Variants in SOX6 observed in about 807,000 individuals in gnomAD.
SOX6 encodes SRY-box transcription factor 6, also known as transcription factor SOX-6.
Under a neutral mutation model 97.8 loss-of-function variants are expected in SOX6, and 11 were observed. The ratio of observed to expected loss-of-function variants is 0.11; its 90% CI spans 0.07 to 0.19. The LOEUF (loss-of-function observed/expected upper bound fraction) is 0.19, where lower values mean the gene tolerates loss of function less well. SOX6 is among the 10% of genes least tolerant of loss of function. SOX6 has a pLI of 1.00. For missense variants in SOX6, 810 were observed against 1,039.5 expected (o/e 0.78, Z 3.04); for synonymous variants, 360 against 371.4 (o/e 0.97, Z 0.35).
chr11:16,020,196 C>T (rs1005886620), intron 12 of SOX6, among the ~76,000 whole-genome samples: 18 of 152,106 alleles, frequency 1.2e-4, no homozygotes, highest in Admixed American at 9.8e-4. Context: ...CCTTCTCTGT[C>T]CAGGCGATGA....
upstream of SOX6, among the ~76,000 whole-genome samples, chr11:16,359,066 A>G (rs2134372451): frequency 6.6e-6 from 1 of 150,524 alleles, no homozygotes; most frequent in Non-Finnish European, 1.5e-5. Flanking sequence ...AAGTGATAGG[A>G]TAAGAAACCA....
chr11:16,191,060 C>G (rs896012682), intron 4 of SOX6, among the ~76,000 whole-genome samples: 17 of 152,074 alleles, frequency 1.1e-4, no homozygotes, highest in Non-Finnish European at 1.6e-4. Flanking sequence ...GCTGAAAGAA[C>G]AGATAATGAT....
intron 2 of SOX6, among the ~76,000 whole-genome samples, chr11:16,336,467 C>T (rs543672517): frequency 5.3e-5 from 8 of 152,214 alleles, no homozygotes; most frequent in Admixed American, 2.6e-4. Flanking sequence ...TCTCTGAGAA[C>T]TCTTCAATGA....
chr11:16,660,663 A>G (rs952249409), intron 3 of SOX6, among the ~76,000 whole-genome samples: 12 of 152,196 alleles, frequency 7.9e-5, no homozygotes, highest in African/African-American at 2.9e-4. Flanking sequence ...TGATGGTACT[A>G]GAGGTGGGGC....
At chr11:16,325,864 G>A (rs1856072033) in intron 2 of SOX6, among the ~76,000 whole-genome samples, 1 of 152,032 alleles carries the variant, frequency 6.6e-6, no homozygotes, top group South Asian at 2.1e-4. Context: ...AAGTGCTGAA[G>A]GCAAATAGTT....
chr11:16,597,330 A>G (rs200850038), intron 4 of SOX6, among the ~76,000 whole-genome samples: 32 of 150,558 alleles, frequency 2.1e-4, no homozygotes, highest in East Asian at 1.2e-3. Context: ...ATGTATGTAT[A>G]TGTGTGTGTG....
chr11:16,012,565 G>A (rs568850108), intron 13 of SOX6, among the ~76,000 whole-genome samples: 1 of 152,100 alleles, frequency 6.6e-6, no homozygotes, highest in Non-Finnish European at 1.5e-5. Context: ...AGTAACATGA[G>A]AGCTGGTGTA....
intron 1 of SOX6, among the ~76,000 whole-genome samples, chr11:16,438,378 A>G (rs1268665889): frequency 6.6e-6 from 1 of 152,122 alleles, no homozygotes; most frequent in Non-Finnish European, 1.5e-5. Context: ...GGCGATATTT[A>G]CCTCTTTTCA....
intron 1 of SOX6, among the ~76,000 whole-genome samples, chr11:16,454,811 A>G (rs1265246011): frequency 6.6e-6 from 1 of 152,070 alleles, no homozygotes. Context: ...AGGAAGACAC[A>G]CCTACAAATT....
chr11:16,367,337 G>T (rs1300813353), intron 1 of SOX6, among the ~76,000 whole-genome samples: 2 of 152,146 alleles, frequency 1.3e-5, no homozygotes, highest in African/African-American at 4.8e-5. Context: ...GCAGAGGAAA[G>T]AACAATGTTC....
chr11:16,630,085 C>G (rs1189784226), intron 3 of SOX6, among the ~76,000 whole-genome samples: 2 of 151,930 alleles, frequency 1.3e-5, no homozygotes, highest in Non-Finnish European at 1.5e-5. Context: ...GTCTCAATTT[C>G]ATTCAGTTTC....
At chr11:16,377,198 A>T (rs1331838547) in intron 1 of SOX6, among the ~76,000 whole-genome samples, 2 of 152,108 alleles carry the variant, frequency 1.3e-5, no homozygotes, top group African/African-American at 4.8e-5. Context: ...AAGGAAAAAG[A>T]GGAAGACTGA....
intron 4 of SOX6, among the ~76,000 whole-genome samples, chr11:16,602,176 A>T (rs1206781439): frequency 6.6e-6 from 1 of 152,206 alleles, no homozygotes; most frequent in African/African-American, 2.4e-5. Context: ...CAAAACATCA[A>T]ATAAAAGCAA....
At chr11:15,993,662 TG>T (rs1854127818) in intron 13 of SOX6, among the ~76,000 whole-genome samples, 1 of 152,200 alleles carries the variant, frequency 6.6e-6, no homozygotes, top group Non-Finnish European at 1.5e-5. Flanking sequence ...AGGCTCAAAT[TG>T]GTTAATTCAT....
intron 9 of SOX6, among the ~76,000 whole-genome samples, chr11:16,075,243 A>G (rs765870527): frequency 1.8e-4 from 27 of 152,190 alleles, no homozygotes; most frequent in Non-Finnish European, 3.4e-4. Flanking sequence ...AAAGAAAAAG[A>G]GGTTTAATAA....
At chr11:16,714,401 C>T (rs1182272557) in intron 3 of SOX6, among the ~76,000 whole-genome samples, 1 of 149,324 alleles carries the variant, frequency 6.7e-6, no homozygotes, top group Non-Finnish European at 1.5e-5. Flanking sequence ...TTATAAATAC[C>T]TTTGTTATTT....
intron 1 of SOX6, among the ~76,000 whole-genome samples, chr11:16,467,404 TA>T (rs1860061656): frequency 6.6e-6 from 1 of 152,308 alleles, no homozygotes; most frequent in African/African-American, 2.4e-5. Flanking sequence ...CTATCAACGA[TA>T]GACTGAATAA....
chr11:16,560,634 CAT>C lies in SOX6; in HGVS notation n.609+51445_609+51446del, dbSNP rs140474232. Among the ~76,000 whole-genome samples the C allele has an allele frequency of 2.8e-4, 34 of 119,492 alleles. 2 individuals carry two copies. The highest frequency in any genetic ancestry group is 7.0e-4 in the African/African-American group (24 of 34,480). The allele number at this position is 119,492 out of a possible 152,430, so 78.4% of individuals were successfully genotyped here. On this transcript the variant is annotated intron_variant and non_coding_transcript_variant, in intron 4 of 5. Transcript: ENST00000524520. ...ATACGTACATATATGTTTATACGTACATATATGTTTATACGAAAATGTATACA... is the reference window on the plus strand; with the variant it reads ...ATACGTACATATATGTTTATACGTACATATGTTTATACGAAAATGTATACA...
At chr11:16,352,539 G>C (rs1463329213) in intron 1 of SOX6, among the ~76,000 whole-genome samples, 1 of 152,106 alleles carries the variant, frequency 6.6e-6, no homozygotes, top group Non-Finnish European at 1.5e-5. Flanking sequence ...GTCATACCTA[G>C]TAAATACAGA....
Sources: gnomAD v4.1 joint callset for allele counts (sites outside exome capture counted in the v4.1 genomes callset) on GRCh38, gnomAD v4.1.1 for gene constraint, MANE v1.5 for transcripts, NCBI Gene and HGNC (gene_info 2026-07-23, HGNC 2026-07-21) for gene names.